The following NXT2 variants were observed in gnomAD, a reference collection of about 807,000 sequenced individuals.
NXT2 encodes nuclear transport factor 2 like export factor 2.
Under a neutral mutation model 9.6 loss-of-function variants are expected in NXT2, and 1 was observed. The observed-to-expected ratio is 0.10, with a 90% CI of 0.04 to 0.49. NXT2 has a LOEUF of 0.49. Among genes scored for constraint, NXT2 ranks in the 20% least tolerant of loss-of-function variants. The pLI is 0.95. For synonymous variants in NXT2, 22 were observed against 35.4 expected (o/e 0.62, Z 1.34); for missense variants, 48 against 100.3 (o/e 0.48, Z 2.23).
At position 109,536,849 on chromosome X, in the gene NXT2, G is replaced by A. The variant is rs1456531929; in HGVS notation, c.-158G>A. ...ATCGGTGTGCTTTTAACGACGGACC[G>A]AGCTACTTCCGGGAGAGAATGGGAG... On this transcript the variant is annotated 5_prime_UTR_variant, in exon 1 of 4. Coordinates refer to ENST00000372106, the MANE Select transcript of NXT2 (RefSeq NM_001242617.2). 8.8e-7 allele frequency: 1 copy of A among 1,136,707 alleles called. No homozygotes were observed. Among genetic ancestry groups the A allele is most frequent in the Non-Finnish European group, 1.2e-6 (1 of 853,551 alleles). The allele number at this position is 1,136,707 out of a possible 1,213,427, so 93.7% of individuals were successfully genotyped here.
At chrX:109,541,642 T>A in intron 3 of NXT2, 23 bp downstream of exon 3, 2 of 1,161,759 alleles carry the variant, frequency 1.7e-6, no homozygotes, top group Non-Finnish European at 2.3e-6. Context: ...TCTTTCAAGA[T>A]GCTTCCTTTG....
intron 3 of NXT2, among the ~76,000 whole-genome samples, chrX:109,542,137 C>T (rs113491908): frequency 2.2e-3 from 243 of 110,624 alleles, no homozygotes; most frequent in African/African-American, 7.4e-3. Flanking sequence ...GATTTTTTTC[C>T]TTTATAATTC....
intron 3 of NXT2, among the ~76,000 whole-genome samples, chrX:109,541,833 A>G (rs1021541767): frequency 2.3e-4 from 26 of 112,286 alleles, no homozygotes; most frequent in African/African-American, 8.4e-4. Context: ...ATTTTGGCTT[A>G]TTAAAAGTTG....
At chrX:109,537,329 C>G in intron 1 of NXT2, 2 of 882,629 alleles carry the variant, frequency 2.3e-6, no homozygotes, top group African/African-American at 2.1e-5. Context: ...CTAAAAATCA[C>G]TTTCAGTCAC....
chrX:109,542,483 CT>C (rs759333019), intron 3 of NXT2, 23 bp from the exon 4 acceptor site: 5,854 of 842,051 alleles, frequency 7.0e-3, no homozygotes, highest in Admixed American at 0.013. Context: ...GATGTGTTCT[CT>C]TTTTTTTTTA....
Position 109,538,031 on chromosome X carries a change from A to G in NXT2, c.16-14A>G. 3.5e-6 allele frequency: 4 copies of G among 1,145,979 alleles called. No homozygotes were observed. The highest frequency in any genetic ancestry group is 4.8e-6 in the Non-Finnish European group (4 of 837,814). 94.4% of individuals were successfully genotyped at this position (1,145,979 alleles called of 1,213,427 possible). A position where few individuals can be genotyped will look rare whatever the true frequency, so the allele number is the denominator to read the frequency against. ...AAAGGTTGGTAATCTATACTTCTGG[A>G]ATTTTTCTTGTAGGATTTTAAAACT... is the stretch of plus-strand genomic sequence containing the variant. On this transcript the variant is annotated splice_polypyrimidine_tract_variant and intron_variant, in intron 1 of 3. Coordinates refer to ENST00000372106, the MANE Select transcript of NXT2 (RefSeq NM_001242617.2).
At chrX:109,537,211 C>A (rs1360463428) in intron 1 of NXT2, 190 bp downstream of exon 1, 2 of 1,024,111 alleles carry the variant, frequency 2.0e-6, no homozygotes, top group Non-Finnish European at 2.5e-6. Flanking sequence ...GGTTAGCAGT[C>A]GCTTTCTGAT....
chrX:109,538,173 CTT>C (rs1374970561), intron 2 of NXT2, 42 bp downstream of exon 2: 4 of 811,257 alleles, frequency 4.9e-6, no homozygotes, highest in Middle Eastern at 2.8e-4. Context: ...GACTACTACT[CTT>C]TATTAAATAC....
chrX:109,538,587 G>A (rs1004652602), intron 2 of NXT2, among the ~76,000 whole-genome samples: 4 of 110,988 alleles, frequency 3.6e-5, no homozygotes, highest in African/African-American at 1.3e-4. Context: ...GATAATTTCT[G>A]ATCATGGCTC....
upstream of NXT2, chrX:109,535,835 GTCC>G (rs1483454291): frequency 1.0e-6 from 1 of 992,523 alleles, no homozygotes; most frequent in South Asian, 2.2e-5. Flanking sequence ...GCTTCCGTTA[GTCC>G]TACCTTGAAG....
In NXT2 at chrX:109,537,559, C is replaced by CGTGTGT. The variant is rs111431650; in HGVS notation, c.16-461_16-456dup. 274 of 120,521 alleles carry CGTGTGT rather than the reference C, an allele frequency of 2.3e-3. 3 individuals are homozygous for CGTGTGT. The highest frequency in any genetic ancestry group is 8.7e-3 in the African/African-American group (249 of 28,577). The allele number at this position is 120,521 out of a possible 1,213,427, so 9.9% of individuals were successfully genotyped here. ...GTTTTTCAAGTAGTTGAACTACTTT[C>CGTGTGT]GTGTGTGTGTGTGTGTGTGTGTGTG... On this transcript the variant is annotated intron_variant, in intron 1 of 3. Coordinates refer to ENST00000372106, the MANE Select transcript of NXT2 (RefSeq NM_001242617.2).
chrX:109,539,691 C>A (rs1448136058), intron 2 of NXT2, among the ~76,000 whole-genome samples: 1 of 110,987 alleles, frequency 9.0e-6, no homozygotes, highest in Non-Finnish European at 1.9e-5. Flanking sequence ...TGTTCATATC[C>A]TTTGCCCACT....
intron 2 of NXT2, among the ~76,000 whole-genome samples, 170 bp from the exon 3 acceptor site, chrX:109,541,303 CAG>C (rs1214649804): frequency 8.9e-6 from 1 of 112,040 alleles, no homozygotes. Flanking sequence ...GATTATAAGA[CAG>C]ACGTTTTGTT....
chrX:109,543,501 A>G lies in NXT2; in HGVS notation c.*813A>G. ...AGTAAGGAGGGTGGCCAAATGGTAA[A>G]CTATTGGTACTTGTTTTCTACCTCC... is the stretch of plus-strand genomic sequence containing the variant. On this transcript the variant is annotated 3_prime_UTR_variant, in exon 4 of 4. Coordinates refer to ENST00000372106, the MANE Select transcript of NXT2 (RefSeq NM_001242617.2). 8.9e-6 allele frequency: 1 copy of G among 111,943 alleles called. No homozygotes were observed. The highest frequency in any genetic ancestry group is 4.6e-3 in the Middle Eastern group (1 of 219). The allele number at this position is 111,943 out of a possible 1,213,427, so 9.2% of individuals were successfully genotyped here.
chrX:109,541,385 A>AT, intron 2 of NXT2, 90 bp from the exon 3 acceptor site: 1 of 835,176 alleles, frequency 1.2e-6, no homozygotes, highest in Admixed American at 3.2e-5. Flanking sequence ...AAATGTTTAT[A>AT]TACCATCTGT....
Position 109,544,599 on chromosome X carries a change from G to A in NXT2, c.*1911G>A, listed in dbSNP as rs1050634282. On this transcript the variant is annotated 3_prime_UTR_variant, in exon 4 of 4. Transcript: ENST00000372106. ...TCCAAACTCTGTATAACTTTTAAAT[G>A]GCTGGAACTACTCGTATAAGGACTA... 5 of 112,284 alleles carry A rather than the reference G, an allele frequency of 4.5e-5. No individual in the cohort carries two copies. Among genetic ancestry groups the A allele is most frequent in the Non-Finnish European group, 9.4e-5 (5 of 53,039 alleles). The allele number at this position is 112,284 out of a possible 1,213,427, so 9.3% of individuals were successfully genotyped here. A position where few individuals can be genotyped will look rare whatever the true frequency, so the allele number is the denominator to read the frequency against.
chrX:109,537,276 T>C (rs1458972722), intron 1 of NXT2: 49 of 981,012 alleles, frequency 5.0e-5, no homozygotes, highest in Non-Finnish European at 5.8e-5. Context: ...TTGGGGTTTG[T>C]TGTTTATGGC....
chrX:109,541,680 AC>A lies in NXT2; in HGVS notation c.247+62del, dbSNP rs751735844. 23 of 942,710 alleles carry A rather than the reference AC, an allele frequency of 2.4e-5. No homozygotes were observed. In the African/African-American group the frequency reaches 2.9e-4, roughly 12 times the overall value. The allele number at this position is 942,710 out of a possible 1,213,427, so 77.7% of individuals were successfully genotyped here. ...TTCCTCTAGTAAGCACTGAGCTTTT[AC>A]ACCAAAAGCAGCGAGAAACTTTTAG... is the stretch of plus-strand genomic sequence containing the variant. On this transcript the variant is annotated intron_variant, in intron 3 of 3. Coordinates refer to ENST00000372106, the MANE Select transcript of NXT2 (RefSeq NM_001242617.2).
At chrX:109,542,331 T>G (rs1011445569) in intron 3 of NXT2, among the ~76,000 whole-genome samples, 176 bp from the exon 4 acceptor site, 2 of 111,869 alleles carry the variant, frequency 1.8e-5, no homozygotes, top group African/African-American at 6.5e-5. Context: ...TATCTTTTAC[T>G]AAGTACTTAG....
Sources: allele counts gnomAD v4.1 joint callset (sites outside exome capture counted in the v4.1 genomes callset), GRCh38; gene constraint gnomAD v4.1.1; transcripts MANE v1.5; gene names NCBI Gene and HGNC (gene_info 2026-07-23, HGNC 2026-07-21).